UBE2E3: variants seen among roughly 807,000 people sequenced by gnomAD.
UBE2E3 encodes ubiquitin-conjugating enzyme E2 E3.
Under a neutral mutation model 23.6 loss-of-function variants are expected in UBE2E3, and 5 were observed. That is an observed-to-expected ratio of 0.21 (90% CI 0.11 to 0.44). UBE2E3 has a LOEUF of 0.44. UBE2E3 is among the 20% of genes least tolerant of loss of function. The pLI, the probability that UBE2E3 is intolerant of heterozygous loss-of-function variation, is 0.99. For synonymous variants in UBE2E3, 78 were observed against 87.5 expected (o/e 0.89, Z 0.60); for missense variants, 81 against 249.8 (o/e 0.32, Z 4.55).
chr2:181,031,890 G>A (rs1305549274), intron 3 of UBE2E3, among the ~76,000 whole-genome samples: 2 of 152,130 alleles, frequency 1.3e-5, no homozygotes, highest in Non-Finnish European at 2.9e-5. Flanking sequence ...CTGATTAAAT[G>A]TTTCCAGACT....
chr2:181,051,032 C>G (rs529458561), intron 3 of UBE2E3, among the ~76,000 whole-genome samples: 1 of 151,674 alleles, frequency 6.6e-6, no homozygotes, highest in Non-Finnish European at 1.5e-5. Context: ...TACTTTCTTC[C>G]CAGTCTCATT....
intron 3 of UBE2E3, among the ~76,000 whole-genome samples, chr2:180,985,099 C>T (rs57698592): frequency 0.018 from 2,739 of 152,138 alleles, 68 homozygotes; most frequent in African/African-American, 0.063. Context: ...AATCCAGTTG[C>T]TTCTTATTGT....
chr2:181,063,177 A>G lies in UBE2E3; in HGVS notation c.*289A>G. The G allele has an allele frequency of 5.3e-6, 1 of 189,232 alleles. No individual in the cohort carries two copies. Among genetic ancestry groups the G allele is most frequent in the Non-Finnish European group, 1.1e-5 (1 of 91,616 alleles). 11.7% of individuals were successfully genotyped at this position (189,232 alleles called of 1,614,324 possible). A position where few individuals can be genotyped will look rare whatever the true frequency, so the allele number is the denominator to read the frequency against. On this transcript the variant is annotated 3_prime_UTR_variant, in exon 6 of 6. Transcript: ENST00000410062. This position sits in a 1 kb window ranked among gnomAD's most constrained non-coding sequence, Gnocchi z 4.1. Reference sequence around the variant, plus strand: ...AGGATACTGGTCCTGAAGTCTACCAAATATTATAGTGCATTTTAGCCTAAT... The same window carrying G: ...AGGATACTGGTCCTGAAGTCTACCAGATATTATAGTGCATTTTAGCCTAAT...
intron 3 of UBE2E3, among the ~76,000 whole-genome samples, chr2:181,020,211 C>CGTCT (rs1261666744): frequency 1.3e-5 from 2 of 152,038 alleles, no homozygotes; most frequent in Non-Finnish European, 2.9e-5. Flanking sequence ...TGGACAGGGC[C>CGTCT]GTGCTCCCTC....
At position 181,002,748 on chromosome 2, in the gene UBE2E3, G is replaced by C. The variant is rs139000944; in HGVS notation, c.245+18655G>C. ...TAAGGACTTAAAATAGCCACAGGTAGCTAGTGGCTACTGTATTAGCAGAGA... is the reference window on the plus strand; with the variant it reads ...TAAGGACTTAAAATAGCCACAGGTACCTAGTGGCTACTGTATTAGCAGAGA... On this transcript the variant is annotated intron_variant, in intron 3 of 5. Transcript: ENST00000410062. 6.5e-4 allele frequency among the ~76,000 whole-genome samples: 99 copies of C among 152,302 alleles called. 1 individual carries two copies. The East Asian group carries it at 0.017, about 26-fold the overall frequency.
At chr2:181,019,989 A>G (rs906687127) in intron 3 of UBE2E3, among the ~76,000 whole-genome samples, 6 of 152,138 alleles carry the variant, frequency 3.9e-5, no homozygotes, top group African/African-American at 1.4e-4. Flanking sequence ...TTTGACCAAT[A>G]TCTCCCCATT....
rs577205932 is a variant in UBE2E3, at chr2:180,996,297, C to T, written c.245+12204C>T. The stretch of plus-strand genomic sequence containing the variant: ...AACATGACATTCTCCTAGCCACTTC[C>T]TTGTCAGTTGTCAGAGATAATTAAG... On this transcript the variant is annotated intron_variant, in intron 3 of 5. Transcript: ENST00000410062. Among the ~76,000 whole-genome samples the T allele has an allele frequency of 2.6e-5, 4 of 152,200 alleles. No individual in the cohort carries two copies. The South Asian group carries it at 6.2e-4, about 24-fold the overall frequency.
chr2:181,059,027 C>T (rs1440052704), intron 4 of UBE2E3, among the ~76,000 whole-genome samples: 1 of 151,670 alleles, frequency 6.6e-6, no homozygotes, highest in Admixed American at 6.6e-5. Flanking sequence ...AAGAATTTCA[C>T]ACTATATAGT....
At chr2:180,989,936 A>G (rs1019307784) in intron 3 of UBE2E3, 1 of 1,549,474 alleles carries the variant, frequency 6.5e-7, no homozygotes, top group East Asian at 2.4e-5. Context: ...AGAATGAAGA[A>G]CTTGTCCTTT....
intron 3 of UBE2E3, among the ~76,000 whole-genome samples, chr2:181,047,329 A>G (rs1166404583): frequency 6.6e-6 from 1 of 152,046 alleles, no homozygotes; most frequent in Non-Finnish European, 1.5e-5. Flanking sequence ...CTCTTTACCT[A>G]GCCTGGCTCA....
At chr2:181,050,459 A>T (rs1309382996) in intron 3 of UBE2E3, among the ~76,000 whole-genome samples, 1 of 151,930 alleles carries the variant, frequency 6.6e-6, no homozygotes, top group Non-Finnish European at 1.5e-5. Context: ...TAGAGTAGAC[A>T]CTTAAGCAGA....
intron 3 of UBE2E3, among the ~76,000 whole-genome samples, chr2:181,034,250 C>T (rs551599365): frequency 6.6e-6 from 1 of 152,304 alleles, no homozygotes; most frequent in South Asian, 2.1e-4. Flanking sequence ...TGGCAGTATT[C>T]ACAGTAGCAA....
At chr2:180,984,151 A>C (rs1684385029) in intron 3 of UBE2E3, 58 bp downstream of exon 3, 2 of 1,474,382 alleles carry the variant, frequency 1.4e-6, no homozygotes, top group Admixed American at 3.4e-5. Context: ...CAAGAGATTG[A>C]TGTATTGTCT....
chr2:181,021,845 T>G (rs1685713510), intron 3 of UBE2E3, among the ~76,000 whole-genome samples: 1 of 151,984 alleles, frequency 6.6e-6, no homozygotes, highest in African/African-American at 2.4e-5. Context: ...GGTTGGAAAA[T>G]ACTTCTGGGT....
At chr2:181,010,724 T>A (rs1016378632) in intron 3 of UBE2E3, among the ~76,000 whole-genome samples, 2 of 152,066 alleles carry the variant, frequency 1.3e-5, no homozygotes, top group Admixed American at 1.3e-4. Flanking sequence ...ACTGATACAA[T>A]CAATTTAGGG....
chr2:181,024,275 TAA>T (rs994395691), intron 3 of UBE2E3, among the ~76,000 whole-genome samples: 5 of 152,118 alleles, frequency 3.3e-5, no homozygotes, highest in African/African-American at 1.2e-4. Context: ...GAGTAAAACT[TAA>T]AGTGAGCTAT....
Position 181,021,437 on chromosome 2 carries a change from C to T in UBE2E3, c.246-36256C>T, listed in dbSNP as rs529550572. 1.1e-4 allele frequency among the ~76,000 whole-genome samples: 15 copies of T among 141,452 alleles called. No individual in the cohort carries two copies. The East Asian group carries it at 3.2e-3, about 30-fold the overall frequency. The allele number at this position is 141,452 out of a possible 152,430, so 92.8% of individuals were successfully genotyped here. Reference sequence around the variant, plus strand: ...CCTCCCTCCCTTCCTCCCTTCCTTCCTTTCTCCCTCCCTCCCTCTCTCTTT... The same window carrying T: ...CCTCCCTCCCTTCCTCCCTTCCTTCTTTTCTCCCTCCCTCCCTCTCTCTTT... On this transcript the variant is annotated intron_variant, in intron 3 of 5. Coordinates refer to ENST00000410062, the MANE Select transcript of UBE2E3 (RefSeq NM_006357.4).
chr2:181,010,874 C>CTTTTA (rs57265069), intron 3 of UBE2E3, among the ~76,000 whole-genome samples: 5,782 of 151,230 alleles, frequency 0.038, 294 homozygotes, highest in East Asian at 0.19. Context: ...CTGCCTCAGA[C>CTTTTA]TTTTATGCGT....
intron 3 of UBE2E3, among the ~76,000 whole-genome samples, chr2:181,056,081 TAAAAAAAA>T (rs58442227): frequency 7.4e-6 from 1 of 135,678 alleles, no homozygotes; most frequent in Non-Finnish European, 1.6e-5. Context: ...AGGAAATGCT[TAAAAAAAA>T]AAAAAAAAAA....
Sources: allele counts gnomAD v4.1 joint callset (sites outside exome capture counted in the v4.1 genomes callset), GRCh38; gene constraint gnomAD v4.1.1; non-coding constraint Gnocchi (gnomAD v3.1); transcripts MANE v1.5; gene names NCBI Gene and HGNC (gene_info 2026-07-23, HGNC 2026-07-21).